Variants in SCRN3 observed in about 807,000 individuals in gnomAD.
The protein encoded by SCRN3 is secernin 3, also known as secernin-3.
Under a neutral mutation model 43.1 loss-of-function variants are expected in SCRN3, and 39 were observed. The ratio of observed to expected loss-of-function variants is 0.91; its 90% CI spans 0.70 to 1.18. The LOEUF (loss-of-function observed/expected upper bound fraction) is 1.18, where lower values mean the gene tolerates loss of function less well. SCRN3 is among the 50% of genes most tolerant of loss of function. The pLI, the probability that SCRN3 is intolerant of heterozygous loss-of-function variation, is 0.00. For missense variants in SCRN3, 484 were observed against 498.0 expected (o/e 0.97, Z 0.27); for synonymous variants, 147 against 163.1 (o/e 0.90, Z 0.75).
chr2:174,399,198 TA>T, intron 2 of SCRN3, among the ~76,000 whole-genome samples: 1 of 152,226 alleles, frequency 6.6e-6, no homozygotes, highest in South Asian at 2.1e-4. Flanking sequence ...TAAAACATAT[TA>T]AATATTAGAC....
intron 5 of SCRN3, among the ~76,000 whole-genome samples, chr2:174,413,535 A>G (rs1266824008): frequency 1.6e-5 from 2 of 123,558 alleles, no homozygotes; most frequent in East Asian, 4.7e-4. Context: ...CTCCTCTCTG[A>G]CTCTCTCTTT....
intron 6 of SCRN3, 122 bp from the exon 7 acceptor site, chr2:174,424,353 A>G: frequency 2.8e-6 from 2 of 708,864 alleles, no homozygotes; most frequent in Non-Finnish European, 2.3e-6. Context: ...TGTGACAGGA[A>G]CAAGTTAGTA....
At chr2:174,422,799 A>G in intron 5 of SCRN3, 86 bp from the exon 6 acceptor site, 2 of 766,998 alleles carry the variant, frequency 2.6e-6, no homozygotes, top group South Asian at 4.1e-5. Context: ...AATATCTCAC[A>G]TATTATCAGT....
chr2:174,397,199 C>A (rs540412598), intron 1 of SCRN3: 155 of 974,294 alleles, frequency 1.6e-4, no homozygotes, highest in Non-Finnish European at 1.9e-4. Flanking sequence ...ATTTTCTTTT[C>A]TTTTTAAGGA....
chr2:174,425,283 G>C (rs1039132964), intron 7 of SCRN3, among the ~76,000 whole-genome samples: 2 of 152,100 alleles, frequency 1.3e-5, no homozygotes, highest in East Asian at 1.9e-4. Flanking sequence ...GGTATAGATA[G>C]ATAGGTCATT....
chr2:174,409,333 T>C (rs1375131402), intron 5 of SCRN3, among the ~76,000 whole-genome samples: 1 of 145,698 alleles, frequency 6.9e-6, no homozygotes, highest in African/African-American at 2.5e-5. Context: ...CACTTCTCTG[T>C]ATTGGTTATT....
chr2:174,424,188 G>A (rs912121852), intron 6 of SCRN3, among the ~76,000 whole-genome samples: 1 of 152,172 alleles, frequency 6.6e-6, no homozygotes, highest in Admixed American at 6.6e-5. Flanking sequence ...ACTGTGGAAT[G>A]TGAAGTAGGA....
In SCRN3 at chr2:174,428,019, G is replaced by C; in HGVS notation, c.*124G>C. On this transcript the variant is annotated 3_prime_UTR_variant, in exon 8 of 8. Transcript: ENST00000272732. ...GAGCAGATCTGATTATTCTTGGATAGTATTCAAGTGGTATCTTGACTATTA... is the reference window on the plus strand; with the variant it reads ...GAGCAGATCTGATTATTCTTGGATACTATTCAAGTGGTATCTTGACTATTA... 1 of 578,686 alleles carries C rather than the reference G, an allele frequency of 1.7e-6. No individual in the cohort carries two copies. Among genetic ancestry groups the C allele is most frequent in the Non-Finnish European group, 3.0e-6 (1 of 337,536 alleles). The allele number at this position is 578,686 out of a possible 1,614,324, so 35.8% of individuals were successfully genotyped here. A position where few individuals can be genotyped will look rare whatever the true frequency, so the allele number is the denominator to read the frequency against.
chr2:174,416,020 A>G lies in SCRN3; in HGVS notation c.755-6865A>G, dbSNP rs574310546. On this transcript the variant is annotated intron_variant, in intron 5 of 7. Transcript: ENST00000272732. ...AGTGATTGATATTTGCTTCTCATGT[A>G]TTCATTAAACAAATTATATGGTAGT... is the stretch of plus-strand genomic sequence containing the variant. 3.3e-5 allele frequency among the ~76,000 whole-genome samples: 5 copies of G among 152,326 alleles called. No homozygotes were observed. The South Asian group carries it at 1.0e-3, about 32-fold the overall frequency.
intron 5 of SCRN3, among the ~76,000 whole-genome samples, chr2:174,412,701 G>A (rs1685963186): frequency 6.6e-6 from 1 of 152,106 alleles, no homozygotes; most frequent in African/African-American, 2.4e-5. Flanking sequence ...AGGGAGAATT[G>A]AGGAGCAGAA....
intron 5 of SCRN3, among the ~76,000 whole-genome samples, chr2:174,407,670 C>T (rs1285189980): frequency 2.4e-5 from 3 of 126,454 alleles, no homozygotes; most frequent in Admixed American, 1.6e-4. Context: ...TCTTTCTTCT[C>T]GTTGGTTTCA....
At position 174,427,888 on chromosome 2, in the gene SCRN3, G is replaced by A. The variant is rs758864253; in HGVS notation, c.1268G>A (p.Ser423Asn). The change falls in exon 8 of 8, where the codon AGT becomes AAT. Residue 423 changes from serine to asparagine, a missense_variant. Physicochemically the swap from Ser to Asn is conservative, Grantham distance 46. Transcript: ENST00000272732. The stretch of plus-strand genomic sequence containing the variant: ...CAGTCAAATTTATCAGTCAAAGTTA[G>A]TTCTTAGTGATCATATGGTCAGCTA... ...IYQSNLSVKV[S>N]S 6.4e-7 allele frequency: 1 copy of A among 1,562,054 alleles called. No homozygotes were observed. The highest frequency in any genetic ancestry group is 1.7e-5 in the Admixed American group (1 of 59,268).
Position 174,427,859 on chromosome 2 carries a change from TTATC to T in SCRN3, c.1240_1243del (p.Tyr414SerfsTer17). On this transcript the variant is annotated frameshift_variant, in exon 8 of 8. Transcript: ENST00000272732. LOFTEE classifies it high-confidence loss of function. Reference sequence around the variant, plus strand: ...AGTGTACAAAAGATGAAATTCAAATTTATCAGTCAAATTTATCAGTCAAAGTTAG... The same window carrying T: ...AGTGTACAAAAGATGAAATTCAAATTAGTCAAATTTATCAGTCAAAGTTAG... The T allele has an allele frequency of 1.3e-6, 1 of 798,880 alleles. No homozygotes were observed. Among genetic ancestry groups the T allele is most frequent in the African/African-American group, 1.7e-5 (1 of 57,526 alleles). 49.5% of individuals were successfully genotyped at this position (798,880 alleles called of 1,614,324 possible).
intron 3 of SCRN3, 95 bp downstream of exon 3, chr2:174,400,198 C>T: frequency 2.3e-6 from 2 of 867,942 alleles, no homozygotes; most frequent in Non-Finnish European, 3.4e-6. Flanking sequence ...TTTGAGGGGG[C>T]TTTGATACTT....
chr2:174,398,296 T>C lies in SCRN3; in HGVS notation c.13T>C (p.Ser5Pro). The C allele has an allele frequency of 6.3e-7, 1 of 1,576,602 alleles. No individual in the cohort carries two copies. Among genetic ancestry groups the C allele is most frequent in the Non-Finnish European group, 8.6e-7 (1 of 1,168,398 alleles). The change falls in exon 2 of 8, where the codon TCC becomes CCC. Residue 5 changes from serine to proline, a missense_variant. Physicochemically the swap from Ser to Pro is moderately conservative, Grantham distance 74. Transcript: ENST00000272732. MEPF[S>P]CDTFVALPPA... ...TTAGTTAAAAAAAATGGAACCTTTT[T>C]CCTGTGACACTTTCGTGGCATTACC...
chr2:174,426,108 A>G (rs910473238), intron 7 of SCRN3, among the ~76,000 whole-genome samples: 1 of 152,204 alleles, frequency 6.6e-6, no homozygotes, highest in African/African-American at 2.4e-5. Flanking sequence ...TTGTCAGACA[A>G]AAATTTTAAA....
chr2:174,413,679 C>T (rs1041150408), intron 5 of SCRN3, among the ~76,000 whole-genome samples: 1 of 149,928 alleles, frequency 6.7e-6, no homozygotes, highest in African/African-American at 2.4e-5. Flanking sequence ...CAACCTCCTC[C>T]TCCCGGGTTC....
chr2:174,397,321 T>C, intron 1 of SCRN3: 1 of 985,210 alleles, frequency 1.0e-6, no homozygotes, highest in Non-Finnish European at 1.2e-6. Context: ...TAAAACAATG[T>C]GTCTGTTCTG....
chr2:174,396,586 C>G (rs1193111664), intron 1 of SCRN3, among the ~76,000 whole-genome samples: 1 of 152,206 alleles, frequency 6.6e-6, no homozygotes, highest in Non-Finnish European at 1.5e-5. Context: ...CACCTGAGGT[C>G]AGGAGTTCAA....
Sources: gnomAD v4.1 joint callset for allele counts (sites outside exome capture counted in the v4.1 genomes callset) on GRCh38, gnomAD v4.1.1 for gene constraint, MANE v1.5 for transcripts, NCBI Gene and HGNC (gene_info 2026-07-23, HGNC 2026-07-21) for gene names.